CDH18: variants seen among roughly 807,000 people sequenced by gnomAD.
CDH18 encodes the protein cadherin 18, also known as cadherin-18.
In CDH18, 31 loss-of-function variants were observed where a neutral mutation model predicts 67.9. The observed-to-expected ratio is 0.46, with a 90% CI of 0.34 to 0.62. The LOEUF is 0.62. CDH18 is among the 20% of genes least tolerant of loss of function. The pLI, the probability that CDH18 is intolerant of heterozygous loss-of-function variation, is 0.01. For missense variants in CDH18, 890 were observed against 975.5 expected, an observed-to-expected ratio of 0.91 and a Z score of 1.17; for synonymous variants, 362 against 347.2, an observed-to-expected ratio of 1.04 and a Z score of -0.48.
At position 19,629,523 on chromosome 5, in the gene CDH18, C is replaced by T. The variant is rs187800822; in HGVS notation, c.644-16922G>A. ...ATTGCTCCCTCTTGAATCTTCATTC[C>T]CTGAATCATATACTAAAAAATTACC... is the stretch of plus-strand genomic sequence containing the variant. On this transcript the variant is annotated intron_variant, in intron 5 of 12. Transcript: ENST00000382275. Among the ~76,000 whole-genome samples the T allele has an allele frequency of 1.7e-4, 26 of 152,140 alleles. No individual in the cohort carries two copies. In the East Asian group the frequency reaches 4.8e-3, roughly 28 times the overall value.
intron 2 of CDH18, among the ~76,000 whole-genome samples, chr5:19,941,612 A>C (rs1406436790): frequency 1.3e-5 from 2 of 151,808 alleles, no homozygotes; most frequent in Non-Finnish European, 2.9e-5. Context: ...CGAGACCCCC[A>C]TCCCTACAAA....
intron 2 of CDH18, among the ~76,000 whole-genome samples, chr5:20,138,836 C>T (rs552899566): frequency 6.6e-5 from 10 of 152,244 alleles, no homozygotes; most frequent in Admixed American, 2.6e-4. Flanking sequence ...AATGGAAGAA[C>T]ATTCCATGCT....
intron 3 of CDH18, among the ~76,000 whole-genome samples, chr5:19,781,097 A>C (rs1367455905): frequency 2.0e-5 from 3 of 152,150 alleles, no homozygotes; most frequent in Admixed American, 6.6e-5. Flanking sequence ...TTAAAACTAC[A>C]ATTAAAAGTT....
chr5:20,324,277 C>G lies in CDH18; in HGVS notation c.-579-68772G>C, dbSNP rs542588298. Among the ~76,000 whole-genome samples, 8 of 152,072 alleles carry G rather than the reference C, an allele frequency of 5.3e-5. No individual in the cohort carries two copies. In the East Asian group the frequency reaches 1.2e-3, roughly 22 times the overall value. On this transcript the variant is annotated intron_variant, in intron 1 of 14. Coordinates refer to the CDH18 transcript ENST00000507958. ...AAGGCCGGGCGCGGTGGGTGGCTCA[C>G]GCCTATAATCCCAGCACTTTGGGAG...
chr5:20,333,781 G>A (rs1009017075), intron 1 of CDH18, among the ~76,000 whole-genome samples: 1 of 152,180 alleles, frequency 6.6e-6, no homozygotes, highest in East Asian at 1.9e-4. Flanking sequence ...CCACCTGGAA[G>A]CATTATCTTT....
chr5:19,730,419 A>G (rs1284588568), intron 4 of CDH18, among the ~76,000 whole-genome samples: 1 of 152,222 alleles, frequency 6.6e-6, no homozygotes, highest in Non-Finnish European at 1.5e-5. Context: ...TAATATTGTT[A>G]GTACAAGTTG....
intron 1 of CDH18, among the ~76,000 whole-genome samples, chr5:20,459,200 C>G (rs1487359742): frequency 6.6e-6 from 1 of 152,096 alleles, no homozygotes; most frequent in Non-Finnish European, 1.5e-5. Flanking sequence ...TCCAGTTGGT[C>G]AAGGGATCAG....
intron 1 of CDH18, chr5:20,304,379 A>C: frequency 6.9e-7 from 1 of 1,447,776 alleles, no homozygotes; most frequent in Non-Finnish European, 9.7e-7. Context: ...TTTGGAGTAA[A>C]AAGCATCTTC....
intron 1 of CDH18, among the ~76,000 whole-genome samples, chr5:20,567,531 G>T (rs2126663536): frequency 6.6e-6 from 1 of 152,268 alleles, no homozygotes; most frequent in African/African-American, 2.4e-5. Context: ...AGCAACAGCT[G>T]GAAACCAGAA....
chr5:19,823,403 A>G (rs563952186), intron 3 of CDH18, among the ~76,000 whole-genome samples: 1 of 152,348 alleles, frequency 6.6e-6, no homozygotes, highest in East Asian at 1.9e-4. Context: ...AAATTATAAA[A>G]GTATTAATTT....
At chr5:19,519,666 G>A (rs1440528228) in intron 10 of CDH18, among the ~76,000 whole-genome samples, 1 of 152,158 alleles carries the variant, frequency 6.6e-6, no homozygotes, top group Non-Finnish European at 1.5e-5. Context: ...TACATTATAT[G>A]AGGCTGTTTT....
At chr5:20,289,002 T>C (rs1734549878) in intron 1 of CDH18, among the ~76,000 whole-genome samples, 1 of 144,810 alleles carries the variant, frequency 6.9e-6, no homozygotes, top group African/African-American at 2.9e-5. Flanking sequence ...TAGTAAGAAT[T>C]CTTTGGATTC....
intron 1 of CDH18, among the ~76,000 whole-genome samples, chr5:20,283,711 A>T (rs950247225): frequency 6.6e-6 from 1 of 152,072 alleles, no homozygotes; most frequent in Admixed American, 6.6e-5. Context: ...CAAACAACTG[A>T]AAATAGAGCT....
intron 1 of CDH18, among the ~76,000 whole-genome samples, chr5:20,351,607 A>G (rs1741192395): frequency 6.6e-6 from 1 of 150,378 alleles, no homozygotes; most frequent in South Asian, 2.1e-4. Context: ...TTTTTGGACC[A>G]GCTGATGTAG....
At chr5:19,925,990 C>T (rs192767857) in intron 2 of CDH18, among the ~76,000 whole-genome samples, 46 of 152,050 alleles carry the variant, frequency 3.0e-4, no homozygotes, top group African/African-American at 1.1e-3. Flanking sequence ...TTTATAGTAG[C>T]GAATAATAAA....
In CDH18 at chr5:19,834,290, T is replaced by C. The variant is rs201153672; in HGVS notation, c.228+4469A>G. Among the ~76,000 whole-genome samples the C allele has an allele frequency of 3.3e-5, 5 of 152,082 alleles. No homozygotes were observed. The East Asian group carries it at 9.7e-4, about 29-fold the overall frequency. ...CATCCAGGAATTTATCCATTTCTTTTAGATTTTCTAGTTTACTTGCATGGA... is the reference window on the plus strand; with the variant it reads ...CATCCAGGAATTTATCCATTTCTTTCAGATTTTCTAGTTTACTTGCATGGA... On this transcript the variant is annotated intron_variant, in intron 3 of 12. Coordinates refer to ENST00000382275, the MANE Select transcript of CDH18 (RefSeq NM_004934.5).
Position 20,439,462 on chromosome 5 carries a change from CAT to C in CDH18, c.-580+135998_-580+135999del, listed in dbSNP as rs1553999419. Among the ~76,000 whole-genome samples the C allele has an allele frequency of 9.9e-5, 15 of 151,662 alleles. No individual in the cohort carries two copies. The East Asian group carries it at 2.9e-3, about 29-fold the overall frequency. ...GATACACAAGATAAACACACACACA[CAT>C]ACACATGCACACACCGTTTCATAAT... On this transcript the variant is annotated intron_variant, in intron 1 of 14. Coordinates refer to the CDH18 transcript ENST00000507958.
chr5:20,401,310 T>C (rs1745753904), intron 1 of CDH18, among the ~76,000 whole-genome samples: 1 of 152,228 alleles, frequency 6.6e-6, no homozygotes, highest in Non-Finnish European at 1.5e-5. Context: ...TTACATGCAT[T>C]TCTCATGTAA....
intron 2 of CDH18, among the ~76,000 whole-genome samples, chr5:20,222,132 A>C (rs1741276955): frequency 6.6e-6 from 1 of 152,156 alleles, no homozygotes; most frequent in Non-Finnish European, 1.5e-5. Context: ...CATGAAGCCA[A>C]AGAAAGATGT....
Sources: allele counts gnomAD v4.1 joint callset (sites outside exome capture counted in the v4.1 genomes callset), GRCh38; gene constraint gnomAD v4.1.1; transcripts MANE v1.5; gene names NCBI Gene and HGNC (gene_info 2026-07-23, HGNC 2026-07-21).